The following TMEM214 variants were observed in gnomAD, a reference collection of about 807,000 sequenced individuals.
TMEM214 encodes the protein transmembrane protein 214.
In TMEM214, 71 loss-of-function variants were observed where a neutral mutation model predicts 89.8. The observed-to-expected ratio is 0.79, with a 90% confidence interval of 0.65 to 0.96. The LOEUF (loss-of-function observed/expected upper bound fraction) is 0.96, where lower values mean the gene tolerates loss of function less well. TMEM214 is among the 40% of genes least tolerant of loss of function. TMEM214 has a pLI of 0.00. For synonymous variants in TMEM214, 332 were observed against 349.5 expected (o/e 0.95, Z 0.56); for missense variants, 754 against 843.4 (o/e 0.89, Z 1.31).
Position 27,038,088 on chromosome 2 carries a change from T to C in TMEM214, c.1153-58T>C, listed in dbSNP as rs1196749040. The C allele has an allele frequency of 6.2e-7, 1 of 1,613,162 alleles. No homozygotes were observed. The highest frequency in any genetic ancestry group is 8.5e-7 in the Non-Finnish European group (1 of 1,179,840). On this transcript the variant is annotated intron_variant, in intron 9 of 16. Coordinates refer to ENST00000238788, the MANE Select transcript of TMEM214 (RefSeq NM_017727.5). This position sits in a 1 kb window ranked among gnomAD's most constrained non-coding sequence, Gnocchi z 4.4. ...CGGGAAGGGGATCACCTCTTAGCAC[T>C]CCCCGCCTCTGCCAGCCCCATGCCC...
In TMEM214 at chr2:27,038,819, C is replaced by G; in HGVS notation, c.1407+4C>G. On this transcript the variant is annotated splice_donor_region_variant and intron_variant, in intron 12 of 16. Transcript: ENST00000238788. This position sits in a 1 kb window ranked among gnomAD's most constrained non-coding sequence, Gnocchi z 4.4. ...CACCTGTGACATGGCCTGCAAGGTG[C>G]TGGCACCCGGTCCTCTCCAGCCCAC... 1 of 1,612,112 alleles carries G rather than the reference C, an allele frequency of 6.2e-7. No homozygotes were observed. Among genetic ancestry groups the G allele is most frequent in the Non-Finnish European group, 8.5e-7 (1 of 1,178,328 alleles).
At position 27,037,702 on chromosome 2, in the gene TMEM214, G is replaced by C. The variant is rs757949466; in HGVS notation, c.1152G>C (p.Glu384Asp). ...TPSCPPEMKK[E>D]LLSSLTECLT... ...GCTGTCCCCCTGAGATGAAGAAAGA[G>C]GTGAGGATATGGTGGGAGGCTTTTT... is the stretch of plus-strand genomic sequence containing the variant. The change falls in exon 9 of 17, where the codon GAG becomes GAC. Residue 384 changes from glutamate (E) to aspartate (D), a missense_variant and splice_region_variant. Glu to Asp is a conservative substitution (Grantham distance 45). Coordinates refer to ENST00000238788, the MANE Select transcript of TMEM214 (RefSeq NM_017727.5). 1.9e-6 allele frequency: 3 copies of C among 1,614,164 alleles called. No homozygotes were observed. The highest frequency in any genetic ancestry group is 2.5e-6 in the Non-Finnish European group (3 of 1,180,026).
chr2:27,035,742 G>T lies in TMEM214; in HGVS notation c.637+14G>T. ...ATAAGACACCAGGTGAAAGGGGCAC[G>T]GGAGGGATGACCATCTTGGGAGCCT... is the stretch of plus-strand genomic sequence containing the variant. On this transcript the variant is annotated intron_variant, in intron 4 of 16. Transcript: ENST00000238788. The T allele has an allele frequency of 1.9e-6, 3 of 1,614,134 alleles. No homozygotes were observed. The highest frequency in any genetic ancestry group is 2.2e-5 in the South Asian group (2 of 91,064).
intron 2 of TMEM214, among the ~76,000 whole-genome samples, chr2:27,034,868 G>A (rs1261316891): frequency 1.3e-5 from 2 of 152,186 alleles, no homozygotes; most frequent in Non-Finnish European, 2.9e-5. Flanking sequence ...ACAGGCGTGA[G>A]CCACCGCGCC....
chr2:27,040,314 A>G (rs1667777625), intron 15 of TMEM214, 31 bp from the exon 16 acceptor site: 2 of 1,613,210 alleles, frequency 1.2e-6, no homozygotes, highest in East Asian at 4.5e-5. Context: ...TTCCCTGGAT[A>G]CTCTGACCCC....
chr2:27,035,560 T>A, intron 3 of TMEM214, 34 bp from the exon 4 acceptor site: 1 of 1,613,124 alleles, frequency 6.2e-7, no homozygotes. Flanking sequence ...GGGTGTCTGG[T>A]CCTAGCACTC....
intron 9 of TMEM214, 185 bp from the exon 10 acceptor site, chr2:27,037,961 G>T (rs1327175440): frequency 7.7e-6 from 12 of 1,552,332 alleles, no homozygotes; most frequent in Non-Finnish European, 8.7e-6. Context: ...TAGCTCAGGA[G>T]CCCCAGCCTC....
At chr2:27,033,945 G>A (rs1667440118) in intron 1 of TMEM214, 122 bp from the exon 2 acceptor site, 3 of 1,084,244 alleles carry the variant, frequency 2.8e-6, no homozygotes, top group South Asian at 1.5e-5. Flanking sequence ...AGAGGAAGGG[G>A]CTTTGAGACA....
intron 7 of TMEM214, 111 bp from the exon 8 acceptor site, chr2:27,036,966 A>T: frequency 1.8e-6 from 2 of 1,133,682 alleles, no homozygotes; most frequent in East Asian, 2.4e-5. Context: ...GGGCTGGCAG[A>T]TGGGGTAGAG....
chr2:27,037,757 C>G, intron 9 of TMEM214, 55 bp downstream of exon 9: 1 of 1,613,936 alleles, frequency 6.2e-7, no homozygotes, highest in Non-Finnish European at 8.5e-7. Flanking sequence ...CTGTAGCGGT[C>G]CCTATCTGCT....
At position 27,039,551 on chromosome 2, in the gene TMEM214, C is replaced by G. The variant is rs941618946; in HGVS notation, c.1526-190C>G. On this transcript the variant is annotated intron_variant, in intron 13 of 16. Transcript: ENST00000238788. ...CAACCGGCAGCTGCATTCCTGCACACCTGGCCCAGCAGGAGAAGGGCAGCT... is the reference window on the plus strand; with the variant it reads ...CAACCGGCAGCTGCATTCCTGCACAGCTGGCCCAGCAGGAGAAGGGCAGCT... The G allele has an allele frequency of 8.0e-6, 5 of 626,490 alleles. No individual in the cohort carries two copies. In the African/African-American group the frequency reaches 9.1e-5, roughly 11 times the overall value. 38.8% of individuals were successfully genotyped at this position (626,490 alleles called of 1,614,324 possible).
intron 6 of TMEM214, 49 bp downstream of exon 6, chr2:27,036,641 C>G (rs1439360858): frequency 6.2e-7 from 1 of 1,613,106 alleles, no homozygotes; most frequent in African/African-American, 1.3e-5. Context: ...AGCTGGAAAA[C>G]TCCTCTTTGA....
Position 27,036,545 on chromosome 2 carries a change from G to C in TMEM214, c.779G>C (p.Trp260Ser). The C allele has an allele frequency of 1.2e-6, 2 of 1,614,150 alleles. No homozygotes were observed. The highest frequency in any genetic ancestry group is 8.5e-7 in the Non-Finnish European group (1 of 1,180,032). ...CCAGCAAAGTGTCTCACCATCATGTGGGCCCTGGGTCAAGCAGGTTTTGCC... is the reference window on the plus strand; with the variant it reads ...CCAGCAAAGTGTCTCACCATCATGTCGGCCCTGGGTCAAGCAGGTTTTGCC... Reference protein sequence around the residue: ...SRPAKCLTIMWALGQAGFANL... With the variant: ...SRPAKCLTIMSALGQAGFANL... Residue 260 changes from tryptophan to serine, a missense_variant, in exon 6 of 17, where the codon TGG becomes TCG. Coordinates refer to ENST00000238788, the MANE Select transcript of TMEM214 (RefSeq NM_017727.5).
chr2:27,040,461 G>A lies in TMEM214; in HGVS notation c.1908G>A (p.Leu636=). Residue 636 remains leucine (L), a synonymous_variant, in exon 16 of 17, where the codon CTG becomes CTA. Transcript: ENST00000238788. The stretch of plus-strand genomic sequence containing the variant: ...TGTGGCACCTCTTGCTTGAGGCCCT[G>A]GCCTGGGCCCAGGAGCACTGCCATG... ...LPLWHLLLEA[L]AWAQEHCHEA... 6.2e-7 allele frequency: 1 copy of A among 1,614,066 alleles called. No individual in the cohort carries two copies. Among genetic ancestry groups the A allele is most frequent in the Non-Finnish European group, 8.5e-7 (1 of 1,180,026 alleles).
At chr2:27,035,412 G>A (rs974336799) in intron 3 of TMEM214, 127 bp downstream of exon 3, 107 of 1,439,042 alleles carry the variant, frequency 7.4e-5, no homozygotes, top group African/African-American at 1.4e-4. Context: ...TCAAATCATC[G>A]TGACTGTGAA....
chr2:27,040,156 C>T lies in TMEM214; in HGVS notation c.1749C>T (p.His583=), dbSNP rs1667768766. ...VSFLSAHCAS[H]LAWFGDSLTS... The stretch of plus-strand genomic sequence containing the variant: ...TCCTTTCTGCCCACTGTGCCTCTCA[C>T]CTTGCGTGGTTTGGTGACAGTCTCA... The change falls in exon 15 of 17, where the codon CAC becomes CAT. Residue 583 remains histidine, a synonymous_variant. Coordinates refer to ENST00000238788, the MANE Select transcript of TMEM214 (RefSeq NM_017727.5). The T allele has an allele frequency of 6.2e-7, 1 of 1,607,460 alleles. No individual in the cohort carries two copies. Among genetic ancestry groups the T allele is most frequent in the Non-Finnish European group, 8.5e-7 (1 of 1,180,010 alleles).
In TMEM214 at chr2:27,034,117, A is replaced by C. The variant is rs202013263; in HGVS notation, c.202A>C (p.Met68Leu). Reference sequence around the variant, plus strand: ...TTATGAGCGGGGCTTTGAGAATATCATGAAGCGGCAGAATAAGGAGCAGGT... The same window carrying C: ...TTATGAGCGGGGCTTTGAGAATATCCTGAAGCGGCAGAATAAGGAGCAGGT... ...TLYERGFENIMKRQNKEQVPP... is the reference protein window; with the variant it reads ...TLYERGFENILKRQNKEQVPP... Residue 68 changes from methionine (M) to leucine (L), a missense_variant, in exon 2 of 17, where the codon ATG becomes CTG. Coordinates refer to ENST00000238788, the MANE Select transcript of TMEM214 (RefSeq NM_017727.5). 39 of 1,613,946 alleles carry C rather than the reference A, an allele frequency of 2.4e-5. No individual in the cohort carries two copies. The highest frequency in any genetic ancestry group is 1.3e-4 in the Admixed American group (8 of 60,026).
At position 27,038,907 on chromosome 2, in the gene TMEM214, C is replaced by A; in HGVS notation, c.1407+92C>A. ...GGGCCTGTATCACATTCCTGCCCCA[C>A]CTGTCTGGAGCCCCCCGCTGCCTCC... On this transcript the variant is annotated intron_variant, in intron 12 of 16. Coordinates refer to ENST00000238788, the MANE Select transcript of TMEM214 (RefSeq NM_017727.5). This position sits in a 1 kb window ranked among gnomAD's most constrained non-coding sequence, Gnocchi z 4.4. 1 of 1,421,426 alleles carries A rather than the reference C, an allele frequency of 7.0e-7. No individual in the cohort carries two copies. Among genetic ancestry groups the A allele is most frequent in the Non-Finnish European group, 9.9e-7 (1 of 1,012,162 alleles). The allele number at this position is 1,421,426 out of a possible 1,614,324, so 88.1% of individuals were successfully genotyped here. A position where few individuals can be genotyped will look rare whatever the true frequency, so the allele number is the denominator to read the frequency against.
chr2:27,036,677 G>C, intron 6 of TMEM214, 28 bp from the exon 7 acceptor site: 1 of 1,614,012 alleles, frequency 6.2e-7, no homozygotes, highest in Non-Finnish European at 8.5e-7. Flanking sequence ...CAAGCCTGAG[G>C]CCTCCCTCGT....
Sources: gnomAD v4.1 joint callset for allele counts (sites outside exome capture counted in the v4.1 genomes callset) on GRCh38, gnomAD v4.1.1 for gene constraint, Gnocchi (gnomAD v3.1) non-coding constraint, MANE v1.5 for transcripts, NCBI Gene and HGNC (gene_info 2026-07-23, HGNC 2026-07-21) for gene names.